Variants in PTPN13 observed in about 807,000 individuals in gnomAD.
PTPN13 encodes protein tyrosine phosphatase non-receptor type 13.
In PTPN13, 191 loss-of-function variants were observed where a neutral mutation model predicts 284.0. The observed-to-expected ratio is 0.67, with a 90% CI of 0.60 to 0.76. PTPN13 has a LOEUF of 0.76. Among genes scored for constraint, PTPN13 ranks in the 30% least tolerant of loss-of-function variants. PTPN13 has a pLI of 0.00. For synonymous variants in PTPN13, 986 were observed against 1,022.3 expected (o/e 0.96, Z 0.68); for missense variants, 2,797 against 2,939.9 (o/e 0.95, Z 1.12).
chr4:86,798,112 G>T (rs1459389355), intron 41 of PTPN13, among the ~76,000 whole-genome samples: 1 of 151,956 alleles, frequency 6.6e-6, no homozygotes, highest in Non-Finnish European at 1.5e-5. Context: ...CAGATTTTTT[G>T]AGATTGAGAA....
intron 4 of PTPN13, among the ~76,000 whole-genome samples, 160 bp from the exon 5 acceptor site, chr4:86,688,845 A>G (rs1439859941): frequency 6.6e-6 from 1 of 152,192 alleles, no homozygotes; most frequent in Admixed American, 6.5e-5. Flanking sequence ...AAAAAAGGTA[A>G]AACACAGTAA....
chr4:86,688,983 C>T (rs2148958099), intron 4 of PTPN13, 22 bp from the exon 5 acceptor site: 2 of 1,524,016 alleles, frequency 1.3e-6, no homozygotes, highest in Middle Eastern at 1.7e-4. Context: ...TACTCACTGG[C>T]TTTTCCTTTA....
intron 1 of PTPN13, among the ~76,000 whole-genome samples, chr4:86,617,212 G>A (rs769008200): frequency 1.3e-5 from 2 of 152,078 alleles, no homozygotes; most frequent in Non-Finnish European, 2.9e-5. Context: ...CAAGTTCCCT[G>A]TGGCCATTTA....
chr4:86,751,967 CTATA>C (rs1737442869), intron 19 of PTPN13, among the ~76,000 whole-genome samples: 1 of 151,490 alleles, frequency 6.6e-6, no homozygotes, highest in Admixed American at 6.6e-5. Flanking sequence ...GCATATATAT[CTATA>C]TATATGCACC....
At chr4:86,652,909 C>A (rs1393958495) in intron 2 of PTPN13, among the ~76,000 whole-genome samples, 1 of 151,810 alleles carries the variant, frequency 6.6e-6, no homozygotes, top group East Asian at 1.9e-4. Flanking sequence ...TTTTCCAGAT[C>A]TCGTAGCCAT....
chr4:86,644,112 A>G (rs1251920442), intron 2 of PTPN13, among the ~76,000 whole-genome samples: 3 of 152,130 alleles, frequency 2.0e-5, no homozygotes, highest in African/African-American at 4.8e-5. Flanking sequence ...GAATTGTCCT[A>G]TATCTATTAA....
chr4:86,778,680 T>A (rs1237970771), intron 35 of PTPN13, among the ~76,000 whole-genome samples: 1 of 152,158 alleles, frequency 6.6e-6, no homozygotes, highest in Non-Finnish European at 1.5e-5. Context: ...CTTTTTGCAT[T>A]TTGGTGTATA....
chr4:86,645,809 T>C (rs999524163), intron 2 of PTPN13, among the ~76,000 whole-genome samples: 7 of 152,184 alleles, frequency 4.6e-5, no homozygotes, highest in Non-Finnish European at 7.3e-5. Flanking sequence ...GCTATATTTT[T>C]TTTTGTAGAA....
At chr4:86,613,984 A>G (rs1019909846) in intron 1 of PTPN13, among the ~76,000 whole-genome samples, 5 of 152,182 alleles carry the variant, frequency 3.3e-5, no homozygotes, top group Admixed American at 1.3e-4. Flanking sequence ...GAAGAAGAAT[A>G]TCTGTTAAGA....
At chr4:86,698,333 A>G (rs1011208478) in intron 6 of PTPN13, among the ~76,000 whole-genome samples, 1 of 152,200 alleles carries the variant, frequency 6.6e-6, no homozygotes, top group Non-Finnish European at 1.5e-5. Context: ...TGGATGTACG[A>G]AGCAAAAGAT....
intron 2 of PTPN13, among the ~76,000 whole-genome samples, chr4:86,656,527 G>A (rs532052691): frequency 1.3e-5 from 2 of 152,274 alleles, no homozygotes; most frequent in South Asian, 4.1e-4. Flanking sequence ...TGTTTGCCAG[G>A]GTATCAGCAG....
At chr4:86,753,136 A>G in intron 20 of PTPN13, 71 bp downstream of exon 20, 1 of 1,195,710 alleles carries the variant, frequency 8.4e-7, no homozygotes, top group Non-Finnish European at 1.2e-6. Flanking sequence ...TCTTGGACCT[A>G]ACAATGAAGA....
chr4:86,688,694 T>C (rs904873513), intron 4 of PTPN13, among the ~76,000 whole-genome samples: 49 of 152,184 alleles, frequency 3.2e-4, no homozygotes, highest in African/African-American at 1.1e-3. Flanking sequence ...TGTGCGTGTG[T>C]ACATGTAGTA....
At chr4:86,777,371 C>T (rs779231778) in intron 35 of PTPN13, among the ~76,000 whole-genome samples, 3 of 152,146 alleles carry the variant, frequency 2.0e-5, no homozygotes, top group South Asian at 2.1e-4. Flanking sequence ...TCTGTTGCCA[C>T]GTCTCTTTCT....
intron 2 of PTPN13, among the ~76,000 whole-genome samples, chr4:86,651,805 T>A (rs749631395): frequency 3.9e-5 from 6 of 152,240 alleles, no homozygotes; most frequent in Non-Finnish European, 8.8e-5. Context: ...TCCTTTGAAT[T>A]TCTGTGATAT....
intron 7 of PTPN13, among the ~76,000 whole-genome samples, chr4:86,712,616 C>A (rs1343783690): frequency 2.0e-5 from 3 of 152,056 alleles, no homozygotes; most frequent in African/African-American, 7.2e-5. Context: ...AAAAGTCTTT[C>A]TACCCCTGGT....
chr4:86,600,856 A>T (rs888257667), intron 1 of PTPN13, among the ~76,000 whole-genome samples: 3 of 152,098 alleles, frequency 2.0e-5, no homozygotes, highest in South Asian at 4.1e-4. Flanking sequence ...TGGAACATAT[A>T]ATGTAATTCA....
intron 32 of PTPN13, 77 bp downstream of exon 32, chr4:86,773,035 G>T: frequency 9.1e-7 from 1 of 1,104,620 alleles, no homozygotes; most frequent in Non-Finnish European, 1.2e-6. Flanking sequence ...TTCCCTTTAG[G>T]GAAAAAGCTA....
chr4:86,780,222 A>G (rs1047444614), intron 35 of PTPN13, among the ~76,000 whole-genome samples, 180 bp from the exon 36 acceptor site: 2 of 151,850 alleles, frequency 1.3e-5, no homozygotes, highest in African/African-American at 4.8e-5. Context: ...AACATGAAAA[A>G]ACCCCATCTC....
Sources: allele counts gnomAD v4.1 joint callset (sites outside exome capture counted in the v4.1 genomes callset), GRCh38; gene constraint gnomAD v4.1.1; transcripts MANE v1.5; gene names NCBI Gene and HGNC (gene_info 2026-07-23, HGNC 2026-07-21).